FBH1: variants seen among roughly 807,000 people sequenced by gnomAD.
FBH1 encodes DNA 3'-5' helicase 1.
FBH1 carries 43 observed loss-of-function variants against 115.5 expected under a neutral mutation model. That is an observed-to-expected ratio of 0.37 (90% CI 0.29 to 0.48). The LOEUF (loss-of-function observed/expected upper bound fraction) is 0.48, where lower values mean the gene tolerates loss of function less well. Ranked by LOEUF, FBH1 falls within the 20% of genes least tolerant of loss-of-function variation. FBH1 has a pLI of 0.99. For synonymous variants in FBH1, 524 were observed against 507.8 expected (o/e 1.03, Z -0.43); for missense variants, 1,001 against 1,337.3 (o/e 0.75, Z 3.92).
chr10:5,925,292 A>G lies in FBH1; in HGVS notation c.2597-75A>G. The stretch of plus-strand genomic sequence containing the variant: ...ATGTTCGAGTTCAGAGTCAAGTGGG[A>G]AACATGTATGTTTTTGTCATCTTGT... On this transcript the variant is annotated intron_variant, in intron 17 of 20. Coordinates refer to ENST00000362091, the MANE Select transcript of FBH1 (RefSeq NM_178150.3). This position sits in a 1 kb window ranked among gnomAD's most constrained non-coding sequence, Gnocchi z 4.6. The G allele has an allele frequency of 6.4e-7, 1 of 1,565,390 alleles. No individual in the cohort carries two copies. Among genetic ancestry groups the G allele is most frequent in the Non-Finnish European group, 8.7e-7 (1 of 1,151,220 alleles).
In FBH1 at chr10:5,937,494, G is replaced by C. The variant is rs1833439099; in HGVS notation, c.*214G>C. On this transcript the variant is annotated 3_prime_UTR_variant, in exon 21 of 21. Coordinates refer to ENST00000362091, the MANE Select transcript of FBH1 (RefSeq NM_178150.3). The stretch of plus-strand genomic sequence containing the variant: ...CTCCCCTCTGGATGTATCTGGTCAG[G>C]GAAGTGGGGGATGTTCTTTTGATAA... 2.5e-6 allele frequency: 1 copy of C among 401,808 alleles called. No individual in the cohort carries two copies. Among genetic ancestry groups the C allele is most frequent in the East Asian group, 3.7e-5 (1 of 27,052 alleles). 24.9% of individuals were successfully genotyped at this position (401,808 alleles called of 1,614,324 possible). A position where few individuals can be genotyped will look rare whatever the true frequency, so the allele number is the denominator to read the frequency against.
rs940679202 is a variant in FBH1, at chr10:5,925,960, G to A, written c.2722+468G>A. ...TGTCTGGTGTTTTTTGGTACAGACAGGGGTCTCACTATGTTGCTCAGGCTG... is the reference window on the plus strand; with the variant it reads ...TGTCTGGTGTTTTTTGGTACAGACAAGGGTCTCACTATGTTGCTCAGGCTG... On this transcript the variant is annotated intron_variant, in intron 18 of 20. Coordinates refer to ENST00000362091, the MANE Select transcript of FBH1 (RefSeq NM_178150.3). The surrounding 1 kb of genome is among the most constrained non-coding windows in gnomAD (Gnocchi z 4.6). Among the ~76,000 whole-genome samples the A allele has an allele frequency of 2.0e-5, 3 of 152,140 alleles. No individual in the cohort carries two copies. Among genetic ancestry groups the A allele is most frequent in the Non-Finnish European group, 2.9e-5 (2 of 68,014 alleles).
rs1843089673 is a variant in FBH1 at position 5,897,646 on chromosome 10, A to G, written c.2-5374A>G. ...GCCATTCCAGTTATATAGGTTACTT[A>G]TCTTAGTGCACAGAGGCCAGATCAC... On this transcript the variant is annotated intron_variant, in intron 1 of 20. Coordinates refer to ENST00000362091, the MANE Select transcript of FBH1 (RefSeq NM_178150.3). This position sits in a 1 kb window ranked among gnomAD's most constrained non-coding sequence, Gnocchi z 4.7. 1.3e-5 allele frequency among the ~76,000 whole-genome samples: 2 copies of G among 152,226 alleles called. No individual in the cohort carries two copies. Among genetic ancestry groups the G allele is most frequent in the Admixed American group, 1.3e-4 (2 of 15,288 alleles).
At position 5,933,752 on chromosome 10, in the gene FBH1, C is replaced by T. The variant is rs1157627082; in HGVS notation, c.2830-2704C>T. 6.6e-6 allele frequency among the ~76,000 whole-genome samples: 1 copy of T among 151,940 alleles called. No homozygotes were observed. The highest frequency in any genetic ancestry group is 2.4e-5 in the African/African-American group (1 of 41,364). Reference sequence around the variant, plus strand: ...CGGCCTCCTGGGTTCAAGCTGTTCTCCTGTGTCAGCCTCTCAAGTAGCTGG... The same window carrying T: ...CGGCCTCCTGGGTTCAAGCTGTTCTTCTGTGTCAGCCTCTCAAGTAGCTGG... On this transcript the variant is annotated intron_variant, in intron 19 of 20. Coordinates refer to ENST00000362091, the MANE Select transcript of FBH1 (RefSeq NM_178150.3). The surrounding 1 kb of genome is among the most constrained non-coding windows in gnomAD (Gnocchi z 4.9).
Position 5,909,628 on chromosome 10 carries a change from A to C in FBH1, c.1020+334A>C. On this transcript the variant is annotated intron_variant, in intron 5 of 20. Coordinates refer to ENST00000362091, the MANE Select transcript of FBH1 (RefSeq NM_178150.3). This position sits in a 1 kb window ranked among gnomAD's most constrained non-coding sequence, Gnocchi z 4.4. ...ATTTCTTTACAAGACAGCCCACCCC[A>C]TTATCAACAAGTTTGCTTATTTGAA... is the stretch of plus-strand genomic sequence containing the variant. 2 of 263,930 alleles carry C rather than the reference A, an allele frequency of 7.6e-6. No individual in the cohort carries two copies. Among genetic ancestry groups the C allele is most frequent in the Non-Finnish European group, 7.2e-6 (1 of 139,650 alleles). 16.3% of individuals were successfully genotyped at this position (263,930 alleles called of 1,614,324 possible).
Position 5,936,539 on chromosome 10 carries a change from C to T in FBH1, c.2913C>T (p.Ala971=). The change falls in exon 20 of 21, where the codon GCC becomes GCT. Residue 971 remains alanine, a synonymous_variant. Transcript: ENST00000362091. This position sits in a 1 kb window ranked among gnomAD's most constrained non-coding sequence, Gnocchi z 5.6. ...VRCCVGQCNN[A]IPVDTVLTMK... ...GCTGCGTGGGACAGTGCAACAATGC[C>T]ATCCCTGTTGACACCGTCCTTACCA... 6.2e-7 allele frequency: 1 copy of T among 1,614,162 alleles called. No homozygotes were observed. The highest frequency in any genetic ancestry group is 8.5e-7 in the Non-Finnish European group (1 of 1,180,004).
In FBH1 at chr10:5,924,760, C is replaced by G; in HGVS notation, c.2596+252C>G. On this transcript the variant is annotated intron_variant, in intron 17 of 20. Coordinates refer to ENST00000362091, the MANE Select transcript of FBH1 (RefSeq NM_178150.3). The surrounding 1 kb of genome is among the most constrained non-coding windows in gnomAD (Gnocchi z 6.2). ...TGTGTATTTTTTGTAGAGATGGAGT[C>G]TCACCATGTTGGCCAGGCTGGTCTC... The G allele has an allele frequency of 3.7e-6, 2 of 544,544 alleles. No individual in the cohort carries two copies. The highest frequency in any genetic ancestry group is 7.0e-6 in the Non-Finnish European group (2 of 286,954). The allele number at this position is 544,544 out of a possible 1,614,324, so 33.7% of individuals were successfully genotyped here.
At chr10:5,890,417 G>A (rs980251990) in intron 1 of FBH1, 71 bp downstream of exon 1, 3 of 358,876 alleles carry the variant, frequency 8.4e-6, no homozygotes, top group African/African-American at 6.5e-5. Context: ...AACCTCCGGG[G>A]TCCTGCGCGG....
intron 2 of FBH1, among the ~76,000 whole-genome samples, chr10:5,905,020 G>A (rs1213246744): frequency 1.3e-5 from 2 of 152,168 alleles, no homozygotes; most frequent in African/African-American, 4.8e-5. Context: ...ATAATTTTTA[G>A]GAGTTTGAAA....
chr10:5,933,542 C>T lies in FBH1; in HGVS notation c.2830-2914C>T, dbSNP rs2132133381. ...TACTGAGACTGGGGTGGGCTGTCTG[C>T]CCTCAGGGGTCCTGCGAGGAAGTCC... is the stretch of plus-strand genomic sequence containing the variant. On this transcript the variant is annotated intron_variant, in intron 19 of 20. Transcript: ENST00000362091. The surrounding 1 kb of genome is among the most constrained non-coding windows in gnomAD (Gnocchi z 4.9). Among the ~76,000 whole-genome samples, 1 of 152,302 alleles carries T rather than the reference C, an allele frequency of 6.6e-6. No homozygotes were observed. Among genetic ancestry groups the T allele is most frequent in the East Asian group, 1.9e-4 (1 of 5,182 alleles).
At position 5,910,702 on chromosome 10, in the gene FBH1, G is replaced by A. The variant is rs1831527672; in HGVS notation, c.1021-236G>A. 6.6e-6 allele frequency among the ~76,000 whole-genome samples: 1 copy of A among 152,154 alleles called. No homozygotes were observed. The highest frequency in any genetic ancestry group is 2.4e-5 in the African/African-American group (1 of 41,428). On this transcript the variant is annotated intron_variant, in intron 5 of 20. Transcript: ENST00000362091. This position sits in a 1 kb window ranked among gnomAD's most constrained non-coding sequence, Gnocchi z 4.8. Reference sequence around the variant, plus strand: ...GTTCTATGTTAGATACTTCATCCGTGTTATTTAATTAAAGAAAACTAAGAT... The same window carrying A: ...GTTCTATGTTAGATACTTCATCCGTATTATTTAATTAAAGAAAACTAAGAT...
intron 2 of FBH1, 61 bp from the exon 3 acceptor site, chr10:5,905,976 T>C: frequency 8.2e-7 from 1 of 1,224,998 alleles, no homozygotes; most frequent in South Asian, 1.4e-5. Context: ...TTATATGGAT[T>C]AACAGCAGGT....
rs1005358809 is a variant in FBH1 at position 5,917,344 on chromosome 10, A to C, written c.1789-76A>C. ...TGCCCTGGCTCCACTGCTGTATGGG[A>C]GTTGACAGTGTGACCGCAGGGTGCT... On this transcript the variant is annotated intron_variant, in intron 10 of 20. Coordinates refer to ENST00000362091, the MANE Select transcript of FBH1 (RefSeq NM_178150.3). The surrounding 1 kb of genome is among the most constrained non-coding windows in gnomAD (Gnocchi z 5.6). 1.7e-6 allele frequency: 2 copies of C among 1,199,124 alleles called. No homozygotes were observed. Among genetic ancestry groups the C allele is most frequent in the Admixed American group, 1.9e-5 (1 of 52,990 alleles). The allele number at this position is 1,199,124 out of a possible 1,614,324, so 74.3% of individuals were successfully genotyped here. A position where few individuals can be genotyped will look rare whatever the true frequency, so the allele number is the denominator to read the frequency against.
In FBH1 at chr10:5,918,370, A is replaced by T; in HGVS notation, c.1992A>T (p.Pro664=). 1.5e-5 allele frequency: 25 copies of T among 1,613,538 alleles called. No individual in the cohort carries two copies. Among genetic ancestry groups the T allele is most frequent in the Non-Finnish European group, 2.0e-5 (24 of 1,179,866 alleles). Residue 664 remains proline (P), a synonymous_variant, in exon 13 of 21, where the codon CCA becomes CCT. Coordinates refer to ENST00000362091, the MANE Select transcript of FBH1 (RefSeq NM_178150.3). This position sits in a 1 kb window ranked among gnomAD's most constrained non-coding sequence, Gnocchi z 4.0. The part of the protein sequence containing the change: ...PAIMNIVLSQ[P]CGKIFVGDPH... ...TCATGAACATAGTTCTGTCTCAGCC[A>T]TGTGGGAAAATCTTTGTAGGGGACC... is the stretch of plus-strand genomic sequence containing the variant.
chr10:5,918,667 G>A lies in FBH1; in HGVS notation c.2100+189G>A, dbSNP rs688388. Among the ~76,000 whole-genome samples the A allele has an allele frequency of 0.34, 51,720 of 152,096 alleles. 10,364 individuals are homozygous for A. The highest frequency in any genetic ancestry group is 0.68 in the East Asian group (3,539 of 5,172). On this transcript the variant is annotated intron_variant, in intron 13 of 20. Coordinates refer to ENST00000362091, the MANE Select transcript of FBH1 (RefSeq NM_178150.3). The surrounding 1 kb of genome is among the most constrained non-coding windows in gnomAD (Gnocchi z 4.0). ...TTTTCATAAGAGGTGTGTGCACAGC[G>A]GTCGTCTGAGGAAGAGCTGCTGCGG...
At position 5,928,148 on chromosome 10, in the gene FBH1, CT is replaced by C. The variant is rs753773157; in HGVS notation, c.2829+622del. The stretch of plus-strand genomic sequence containing the variant: ...TAATTTCTCCTTTACTCAATTAGTT[CT>C]TTTTTTTTTTTTTTGGTTTGAGACA... On this transcript the variant is annotated intron_variant, in intron 19 of 20. Coordinates refer to ENST00000362091, the MANE Select transcript of FBH1 (RefSeq NM_178150.3). Among the ~76,000 whole-genome samples, 173 of 114,860 alleles carry C rather than the reference CT, an allele frequency of 1.5e-3. 1 individual carries two copies. The highest frequency in any genetic ancestry group is 4.4e-3 in the Middle Eastern group (1 of 226). 75.4% of individuals were successfully genotyped at this position (114,860 alleles called of 152,430 possible). A position where few individuals can be genotyped will look rare whatever the true frequency, so the allele number is the denominator to read the frequency against.
At position 5,936,309 on chromosome 10, in the gene FBH1, G is replaced by A. The variant is rs7893821; in HGVS notation, c.2830-147G>A. ...TGGAGGCAGGGAAAAGTTAGAGGAA[G>A]TAAGGGAGAACGGGTTAGGCGGGGT... is the stretch of plus-strand genomic sequence containing the variant. On this transcript the variant is annotated intron_variant, in intron 19 of 20. Transcript: ENST00000362091. The surrounding 1 kb of genome is among the most constrained non-coding windows in gnomAD (Gnocchi z 5.6). 1 of 798,832 alleles carries A rather than the reference G, an allele frequency of 1.3e-6. No individual in the cohort carries two copies. The highest frequency in any genetic ancestry group is 1.9e-6 in the Non-Finnish European group (1 of 516,794). 49.5% of individuals were successfully genotyped at this position (798,832 alleles called of 1,614,324 possible).
At chr10:5,891,811 C>T (rs372699702) in intron 1 of FBH1, among the ~76,000 whole-genome samples, 3 of 152,224 alleles carry the variant, frequency 2.0e-5, no homozygotes, top group African/African-American at 7.2e-5. Context: ...GGGGTTTCAC[C>T]ATGTTGGCCA....
In FBH1 at chr10:5,921,558, C is replaced by T. The variant is rs774907076; in HGVS notation, c.2311C>T (p.His771Tyr). 1 of 1,594,762 alleles carries T rather than the reference C, an allele frequency of 6.3e-7. No homozygotes were observed. The highest frequency in any genetic ancestry group is 8.5e-7 in the Non-Finnish European group (1 of 1,175,578). The change falls in exon 15 of 21, where the codon CAT becomes TAT. Residue 771 changes from histidine to tyrosine, a missense_variant. By Grantham distance (83) the His-to-Tyr change is moderately conservative (BLOSUM62 2). Around this residue, in one of 4 missense-constraint regions of FBH1, gnomAD observed 521 missense variants for 811.0 expected, o/e 0.64. Transcript: ENST00000362091. The surrounding 1 kb of genome is among the most constrained non-coding windows in gnomAD (Gnocchi z 6.4). ...GGAAGGGGAATTCCCTTCAAGGATA[C>T]ATTTGATTGGGGTAAGAGTACATTT... Reference protein sequence around the residue: ...VTEGEFPSRIHLIGGIKSFGL... With the variant: ...VTEGEFPSRIYLIGGIKSFGL...
Sources: allele counts gnomAD v4.1 joint callset (sites outside exome capture counted in the v4.1 genomes callset), GRCh38; gene constraint gnomAD v4.1.1; regional missense constraint gnomAD v4.1.1; non-coding constraint Gnocchi (gnomAD v3.1); transcripts MANE v1.5; gene names NCBI Gene and HGNC (gene_info 2026-07-23, HGNC 2026-07-21).